Variants in TMEM132D observed in about 807,000 individuals in gnomAD.
The protein encoded by TMEM132D is mature OL transmembrane protein.
A neutral mutation model predicts 62.3 loss-of-function variants in TMEM132D; 21 were observed. That is an observed-to-expected ratio of 0.34 (90% confidence interval 0.24 to 0.49). The LOEUF is 0.49. Among genes scored for constraint, TMEM132D ranks in the 20% least tolerant of loss-of-function variants. The pLI is 0.99. For synonymous variants in TMEM132D, 621 were observed against 575.6 expected, an observed-to-expected ratio of 1.08 and a Z score of -1.13; for missense variants, 1,346 against 1,402.8, an observed-to-expected ratio of 0.96 and a Z score of 0.65.
chr12:129,341,712 T>G (rs1247839151), intron 3 of TMEM132D, among the ~76,000 whole-genome samples: 9 of 152,190 alleles, frequency 5.9e-5, no homozygotes, highest in Admixed American at 5.9e-4. Flanking sequence ...TGAGGAGATT[T>G]TGGGCTGAGA....
intron 4 of TMEM132D, among the ~76,000 whole-genome samples, chr12:129,238,221 C>A (rs1473501540): frequency 1.3e-5 from 2 of 152,146 alleles, no homozygotes; most frequent in East Asian, 3.9e-4. Context: ...CATTTTTATT[C>A]AATGCAATAG....
intron 1 of TMEM132D, among the ~76,000 whole-genome samples, chr12:129,751,320 A>C (rs1350837705): frequency 2.0e-5 from 3 of 152,166 alleles, no homozygotes; most frequent in Non-Finnish European, 4.4e-5. Context: ...CACATGACGC[A>C]CTTTGAAACC....
intron 3 of TMEM132D, among the ~76,000 whole-genome samples, chr12:129,427,544 C>G (rs2135714214): frequency 6.6e-6 from 1 of 152,192 alleles, no homozygotes; most frequent in East Asian, 1.9e-4. Flanking sequence ...TACCCTAAAA[C>G]TTAAAGTATA....
In TMEM132D at chr12:129,456,082, T is replaced by C. The variant is rs1292940686; in HGVS notation, c.1115+74977A>G. On this transcript the variant is annotated intron_variant, in intron 3 of 8. Coordinates refer to ENST00000422113, the MANE Select transcript of TMEM132D (RefSeq NM_133448.3). ...ACCGGGTGGATGGGCAGGTAGGATA[T>C]TGGAGAAGTTAAAACAAAACCTTTG... Among the ~76,000 whole-genome samples the C allele has an allele frequency of 2.6e-5, 4 of 152,144 alleles. No homozygotes were observed. In the East Asian group the frequency reaches 5.8e-4, roughly 22 times the overall value.
At chr12:129,147,289 CATATGTATATATATACATATGTGT>C (rs1385593615) in intron 5 of TMEM132D, among the ~76,000 whole-genome samples, 9 of 148,414 alleles carry the variant, frequency 6.1e-5, no homozygotes, top group East Asian at 2.0e-4. Flanking sequence ...TATACATGTG[CATATGTATATATATACATATGTGT>C]ATATGTATAT....
intron 2 of TMEM132D, among the ~76,000 whole-genome samples, chr12:129,615,003 T>C (rs894209673): frequency 1.3e-5 from 2 of 152,178 alleles, no homozygotes; most frequent in Non-Finnish European, 2.9e-5. Context: ...AGAAGCACAC[T>C]TGAATAAATG....
At chr12:129,646,721 G>A (rs567052949) in intron 2 of TMEM132D, among the ~76,000 whole-genome samples, 1 of 151,912 alleles carries the variant, frequency 6.6e-6, no homozygotes, top group South Asian at 2.1e-4. Flanking sequence ...TATACAATAT[G>A]TGCAAATGTG....
chr12:129,449,154 A>G (rs1304610845), intron 3 of TMEM132D, among the ~76,000 whole-genome samples: 1 of 152,228 alleles, frequency 6.6e-6, no homozygotes, highest in South Asian at 2.1e-4. Flanking sequence ...GACCCTATGC[A>G]TTGGCTTTAG....
chr12:129,213,148 G>A lies in TMEM132D; in HGVS notation c.1300-3485C>T, dbSNP rs540868494. 1.0e-3 allele frequency among the ~76,000 whole-genome samples: 154 copies of A among 152,226 alleles called. 2 individuals carry two copies. In the South Asian group the frequency reaches 0.031, roughly 31 times the overall value. On this transcript the variant is annotated intron_variant, in intron 4 of 8. Coordinates refer to ENST00000422113, the MANE Select transcript of TMEM132D (RefSeq NM_133448.3). ...TCCTGCAGGGGATGATGTATTTCAC[G>A]ACATATATTGTATATTCTGTGTGTG...
At chr12:129,292,421 T>C (rs1014914929) in intron 4 of TMEM132D, among the ~76,000 whole-genome samples, 2 of 152,188 alleles carry the variant, frequency 1.3e-5, no homozygotes, top group Admixed American at 6.5e-5. Flanking sequence ...AAGCCCTTCA[T>C]TGCTAATCAA....
intron 4 of TMEM132D, among the ~76,000 whole-genome samples, chr12:129,271,465 C>A (rs909666548): frequency 2.0e-5 from 3 of 151,548 alleles, no homozygotes; most frequent in African/African-American, 7.3e-5. Flanking sequence ...CACAGGTATA[C>A]GTGTACCAGG....
At chr12:129,336,595 A>C (rs775348051) in intron 4 of TMEM132D, among the ~76,000 whole-genome samples, 4 of 152,110 alleles carry the variant, frequency 2.6e-5, no homozygotes, top group Non-Finnish European at 5.9e-5. Flanking sequence ...AGAACATTAC[A>C]TGTAGCATAG....
intron 2 of TMEM132D, among the ~76,000 whole-genome samples, chr12:129,537,769 C>A (rs1330935204): frequency 2.0e-5 from 3 of 152,202 alleles, no homozygotes; most frequent in Non-Finnish European, 1.5e-5. Context: ...CACACCCCCA[C>A]AGGGAAAAGC....
At chr12:129,362,706 G>A (rs1870286930) in intron 3 of TMEM132D, among the ~76,000 whole-genome samples, 1 of 152,070 alleles carries the variant, frequency 6.6e-6, no homozygotes, top group Non-Finnish European at 1.5e-5. Flanking sequence ...ACAGGTATCT[G>A]GGATGCCTTA....
At position 129,120,321 on chromosome 12, in the gene TMEM132D, T is replaced by C. The variant is rs117685915; in HGVS notation, c.1444-35619A>G. Among the ~76,000 whole-genome samples, 1,383 of 152,324 alleles carry C rather than the reference T, an allele frequency of 9.1e-3. 10 individuals carry two copies. The highest frequency in any genetic ancestry group is 0.02 in the Middle Eastern group (6 of 294). On this transcript the variant is annotated intron_variant, in intron 5 of 8. Transcript: ENST00000422113. Reference sequence around the variant, plus strand: ...TCTGAGAAGGAACAGGATGCTTGCATGGTGTCAGATTAATACCATCATCAA... The same window carrying C: ...TCTGAGAAGGAACAGGATGCTTGCACGGTGTCAGATTAATACCATCATCAA...
At chr12:129,209,798 T>C in intron 4 of TMEM132D, 135 bp from the exon 5 acceptor site, 1 of 1,300,386 alleles carries the variant, frequency 7.7e-7, no homozygotes, top group Admixed American at 2.1e-5. Context: ...ATCCTGGCAG[T>C]CCGCACCAGC....
intron 4 of TMEM132D, among the ~76,000 whole-genome samples, chr12:129,246,350 T>C (rs1489529165): frequency 6.6e-6 from 1 of 152,144 alleles, no homozygotes; most frequent in Non-Finnish European, 1.5e-5. Flanking sequence ...GCACCAAGGC[T>C]GAGCACCACG....
chr12:129,233,901 A>G (rs925011322), intron 4 of TMEM132D, among the ~76,000 whole-genome samples: 3 of 152,186 alleles, frequency 2.0e-5, no homozygotes, highest in African/African-American at 4.8e-5. Context: ...TTTTGAAAAA[A>G]TCACAACCTA....
At chr12:129,726,985 G>A (rs11060516) in intron 1 of TMEM132D, among the ~76,000 whole-genome samples, 2 of 152,058 alleles carry the variant, frequency 1.3e-5, no homozygotes, top group African/African-American at 4.8e-5. Flanking sequence ...CCTCAGTGTG[G>A]ATTTATTTGC....
Sources: allele counts gnomAD v4.1 joint callset (sites outside exome capture counted in the v4.1 genomes callset), GRCh38; gene constraint gnomAD v4.1.1; transcripts MANE v1.5; gene names NCBI Gene and HGNC (gene_info 2026-07-23, HGNC 2026-07-21).